Variants in ATL2 observed in about 807,000 individuals in gnomAD.
ATL2 encodes atlastin GTPase 2, also known as atlastin-2.
Under a neutral mutation model 73.9 loss-of-function variants are expected in ATL2, and 31 were observed. That is an observed-to-expected ratio of 0.42 (90% confidence interval 0.32 to 0.57). The LOEUF (loss-of-function observed/expected upper bound fraction) is 0.57, where lower values mean the gene tolerates loss of function less well. Ranked by LOEUF, ATL2 falls within the 20% of genes least tolerant of loss-of-function variation. The pLI, the probability that ATL2 is intolerant of heterozygous loss-of-function variation, is 0.14. For synonymous variants in ATL2, 291 were observed against 237.5 expected, an observed-to-expected ratio of 1.23 and a Z score of -2.07; for missense variants, 738 against 702.6, an observed-to-expected ratio of 1.05 and a Z score of -0.57.
At chr2:38,356,433 C>T (rs1441140862) in intron 1 of ATL2, among the ~76,000 whole-genome samples, 1 of 151,634 alleles carries the variant, frequency 6.6e-6, no homozygotes, top group East Asian at 2.0e-4. Context: ...AAGTGATCCA[C>T]CCACCTCACT....
At chr2:38,325,661 T>TACACAC (rs562138786) in intron 2 of ATL2, among the ~76,000 whole-genome samples, 6 of 41,696 alleles carry the variant, frequency 1.4e-4, no homozygotes, top group South Asian at 1.6e-3. Context: ...CACACACCAG[T>TACACAC]ACACACACAC....
chr2:38,324,032 T>A (rs1346898475), intron 2 of ATL2, among the ~76,000 whole-genome samples: 2 of 152,110 alleles, frequency 1.3e-5, no homozygotes, highest in Non-Finnish European at 1.5e-5. Context: ...TCCCAGCACT[T>A]TGGGAAGCCG....
At chr2:38,302,966 A>G (rs1287719305) in intron 9 of ATL2, among the ~76,000 whole-genome samples, 1 of 152,194 alleles carries the variant, frequency 6.6e-6, no homozygotes, top group South Asian at 2.1e-4. Flanking sequence ...TGACCTCACT[A>G]AACAAACTGA....
Position 38,296,031 on chromosome 2 carries a change from T to A in ATL2, c.1715A>T (p.Asp572Val). The A allele has an allele frequency of 6.4e-7, 1 of 1,551,788 alleles. No homozygotes were observed. Among genetic ancestry groups the A allele is most frequent in the Non-Finnish European group, 8.7e-7 (1 of 1,146,836 alleles). The change falls in exon 13 of 13, where the codon GAC (aspartate) becomes GTC (valine). Residue 572 changes from aspartate (D) to valine (V), a missense_variant. Transcript: ENST00000378954. ...VTNSIKAGLT[D>V]QVSHHARLKT... The stretch of plus-strand genomic sequence containing the variant: ...TAATCTGGCATGATGAGACACCTGG[T>A]CAGTCAGGCCTGCTTTGATAGAGTT...
At chr2:38,348,772 A>G (rs1387235163) in intron 1 of ATL2, among the ~76,000 whole-genome samples, 3 of 151,928 alleles carry the variant, frequency 2.0e-5, no homozygotes, top group Non-Finnish European at 4.4e-5. Flanking sequence ...CAACCTACTC[A>G]TCTGACAAAG....
intron 1 of ATL2, among the ~76,000 whole-genome samples, chr2:38,362,629 G>A (rs946893093): frequency 6.6e-6 from 1 of 152,188 alleles, no homozygotes; most frequent in Non-Finnish European, 1.5e-5. Context: ...AGAACTGGAG[G>A]TGCATAAATC....
intron 1 of ATL2, among the ~76,000 whole-genome samples, chr2:38,344,488 T>C (rs1230396868): frequency 6.6e-6 from 1 of 152,128 alleles, no homozygotes; most frequent in Middle Eastern, 3.2e-3. Flanking sequence ...CGGGCGCCTG[T>C]AGTCCCAGCT....
At chr2:38,368,735 T>C (rs1671495174) in intron 1 of ATL2, among the ~76,000 whole-genome samples, 1 of 152,062 alleles carries the variant, frequency 6.6e-6, no homozygotes, top group Non-Finnish European at 1.5e-5. Flanking sequence ...GCAAACAGGC[T>C]TTTACAAAAC....
intron 1 of ATL2, among the ~76,000 whole-genome samples, chr2:38,373,751 T>C (rs1009051975): frequency 6.6e-5 from 10 of 152,364 alleles, no homozygotes; most frequent in African/African-American, 2.4e-4. Context: ...GGCTTTGCAC[T>C]TCTGAATACT....
In ATL2 at chr2:38,310,436, A is replaced by C; in HGVS notation, c.816T>G (p.Asn272Lys). The C allele has an allele frequency of 6.3e-7, 1 of 1,594,410 alleles. No homozygotes were observed. Among genetic ancestry groups the C allele is most frequent in the East Asian group, 2.2e-5 (1 of 44,616 alleles). The change falls in exon 8 of 13, where the codon AAT (asparagine) becomes AAG (lysine). Residue 272 changes from asparagine to lysine, a missense_variant. Transcript: ENST00000378954. ...FLEKRLQVKQ[N>K]QHEELQNVRK... ...TTACATTCTGAAGCTCTTCATGTTG[A>C]TTTTGTTTTACCTGAGGGCGGAGAG...
intron 2 of ATL2, among the ~76,000 whole-genome samples, chr2:38,324,028 C>G (rs527417415): frequency 1.3e-5 from 2 of 152,210 alleles, no homozygotes; most frequent in African/African-American, 4.8e-5. Context: ...GTAATCCCAG[C>G]ACTTTGGGAA....
chr2:38,357,543 T>G (rs542935468), intron 1 of ATL2, among the ~76,000 whole-genome samples: 17 of 148,734 alleles, frequency 1.1e-4, no homozygotes, highest in African/African-American at 4.0e-4. Flanking sequence ...TCCCAGCTAT[T>G]CAGGAGGCTG....
At chr2:38,369,806 A>G (rs1049224363) in intron 1 of ATL2, among the ~76,000 whole-genome samples, 2 of 152,004 alleles carry the variant, frequency 1.3e-5, no homozygotes, top group African/African-American at 4.8e-5. Context: ...TCTTGAAAAA[A>G]TTCTAAGAAC....
intron 1 of ATL2, among the ~76,000 whole-genome samples, chr2:38,352,448 A>G (rs1217592085): frequency 6.6e-6 from 1 of 152,168 alleles, no homozygotes; most frequent in Non-Finnish European, 1.5e-5. Flanking sequence ...TTTCCTAACT[A>G]TAGAGTGAAG....
intron 1 of ATL2, among the ~76,000 whole-genome samples, chr2:38,370,448 CAAAAAAAAAAAAAA>C (rs55964015): frequency 4.9e-4 from 27 of 55,214 alleles, no homozygotes; most frequent in South Asian, 9.6e-4. Context: ...GACTCTGTCC[CAAAAAAAAAAAAAA>C]AAAAAAAAAA....
chr2:38,299,148 A>G (rs1667056366), intron 11 of ATL2, 108 bp downstream of exon 11: 2 of 1,046,448 alleles, frequency 1.9e-6, no homozygotes, highest in Non-Finnish European at 2.6e-6. Flanking sequence ...ATAATGTACC[A>G]TAAGCTGCAC....
intron 1 of ATL2, among the ~76,000 whole-genome samples, chr2:38,360,039 A>G (rs973639923): frequency 3.0e-4 from 46 of 150,902 alleles, no homozygotes; most frequent in South Asian, 8.4e-4. Flanking sequence ...CTGAGACACG[A>G]GAATCACTTG....
Position 38,298,640 on chromosome 2 carries a change from CAT to C in ATL2, c.1201-67_1201-66del, listed in dbSNP as rs1558382426. ...TTAACACTTGAAAGAAGTTCCTGTT[CAT>C]AGTTTTTAGTCTCAGAAAGTCAAAC... On this transcript the variant is annotated intron_variant, in intron 11 of 12. Transcript: ENST00000378954. 4.5e-5 allele frequency: 69 copies of C among 1,517,510 alleles called. 2 individuals carry two copies. In the South Asian group the frequency reaches 8.8e-4, roughly 19 times the overall value. The allele number at this position is 1,517,510 out of a possible 1,614,324, so 94.0% of individuals were successfully genotyped here. A position where few individuals can be genotyped will look rare whatever the true frequency, so the allele number is the denominator to read the frequency against.
intron 1 of ATL2, 55 bp downstream of exon 1, chr2:38,377,088 C>T: frequency 1.9e-6 from 3 of 1,543,996 alleles, no homozygotes; most frequent in Non-Finnish European, 2.6e-6. Context: ...CGAGCCCGAG[C>T]AGCGAGCGTC....
Sources: gnomAD v4.1 joint callset for allele counts (sites outside exome capture counted in the v4.1 genomes callset) on GRCh38, gnomAD v4.1.1 for gene constraint, MANE v1.5 for transcripts, NCBI Gene and HGNC (gene_info 2026-07-23, HGNC 2026-07-21) for gene names.